The following ALDH1A2 variants were observed in gnomAD, a reference collection of about 807,000 sequenced individuals.
ALDH1A2 encodes aldehyde dehydrogenase 1 family member A2.
In ALDH1A2, 27 loss-of-function variants were observed where a neutral mutation model predicts 60.3. That is an observed-to-expected ratio of 0.45 (90% CI 0.33 to 0.62). The LOEUF is 0.62. Ranked by LOEUF, ALDH1A2 falls within the 20% of genes least tolerant of loss-of-function variation. The probability of loss-of-function intolerance (pLI) is 0.02; values close to 1 mark genes in which losing one functional copy is unlikely to be tolerated. For missense variants in ALDH1A2, 581 were observed against 643.8 expected, an observed-to-expected ratio of 0.90 and a Z score of 1.06; for synonymous variants, 289 against 232.4, an observed-to-expected ratio of 1.24 and a Z score of -2.21.
chr15:57,962,572 C>T (rs532574286), intron 9 of ALDH1A2, among the ~76,000 whole-genome samples: 2 of 151,874 alleles, frequency 1.3e-5, no homozygotes, highest in African/African-American at 2.4e-5. Context: ...AAAATTAGCA[C>T]ACAGCCTTTT....
intron 1 of ALDH1A2, among the ~76,000 whole-genome samples, chr15:58,032,308 G>A (rs1389143188): frequency 1.3e-5 from 2 of 152,008 alleles, no homozygotes; most frequent in African/African-American, 4.8e-5. Flanking sequence ...TGAACAATGA[G>A]AACACATGGA....
rs779670359 is a variant in ALDH1A2 at position 57,963,943 on chromosome 15, C to T, written c.1028G>A (p.Arg343Gln). ...ACTCCCCACTACGCGCCTCTTGGCC[C>T]GCTCCACGCTTCTTCTCACAAACTC... ...YEEFVRRSVE[R>Q]AKRRVVGSPF... The change falls in exon 9 of 13, where the codon CGG (arginine) becomes CAG (glutamine). Residue 343 changes from arginine to glutamine, a missense_variant. Transcript: ENST00000249750. The T allele has an allele frequency of 4.5e-5, 73 of 1,613,988 alleles. No individual in the cohort carries two copies. Among genetic ancestry groups the T allele is most frequent in the East Asian group, 1.3e-4 (6 of 44,864 alleles).
At chr15:57,984,834 T>C (rs1488581889) in intron 7 of ALDH1A2, among the ~76,000 whole-genome samples, 1 of 152,218 alleles carries the variant, frequency 6.6e-6, no homozygotes, top group Non-Finnish European at 1.5e-5. Context: ...TTTGTACATG[T>C]TTCTGTGTGG....
At chr15:58,050,010 G>C (rs1161750882) in intron 1 of ALDH1A2, among the ~76,000 whole-genome samples, 1 of 152,050 alleles carries the variant, frequency 6.6e-6, no homozygotes, top group Non-Finnish European at 1.5e-5. Context: ...GGGTCTTGAG[G>C]GGGAAGGGGG....
intron 1 of ALDH1A2, among the ~76,000 whole-genome samples, chr15:58,022,766 GA>G (rs1895966517): frequency 6.6e-6 from 1 of 152,064 alleles, no homozygotes; most frequent in Admixed American, 6.6e-5. Context: ...TACTGCCAAA[GA>G]AATCATATAG....
chr15:58,017,873 C>G (rs893803679), intron 1 of ALDH1A2, among the ~76,000 whole-genome samples: 1 of 151,888 alleles, frequency 6.6e-6, no homozygotes, highest in Non-Finnish European at 1.5e-5. Flanking sequence ...GCTATTTTTC[C>G]TGGTGTGCCA....
chr15:58,002,640 A>G (rs940245860), intron 4 of ALDH1A2, among the ~76,000 whole-genome samples: 3 of 151,888 alleles, frequency 2.0e-5, no homozygotes, highest in African/African-American at 7.3e-5. Context: ...AATAGCTTCC[A>G]ATTATAACAC....
At chr15:57,959,371 C>T (rs1893646591) in intron 12 of ALDH1A2, among the ~76,000 whole-genome samples, 2 of 152,132 alleles carry the variant, frequency 1.3e-5, no homozygotes, top group Non-Finnish European at 2.9e-5. Flanking sequence ...TGCATGAAGA[C>T]TCTGTAAAAG....
intron 1 of ALDH1A2, among the ~76,000 whole-genome samples, chr15:58,039,256 T>A (rs1230551343): frequency 6.6e-6 from 1 of 151,798 alleles, no homozygotes; most frequent in Non-Finnish European, 1.5e-5. Flanking sequence ...GATTAGTTTT[T>A]TTTTTCTCCT....
intron 1 of ALDH1A2, among the ~76,000 whole-genome samples, chr15:58,033,883 T>C (rs775437183): frequency 1.4e-4 from 21 of 151,352 alleles, no homozygotes; most frequent in Admixed American, 4.6e-4. Context: ...CTATCTTAAT[T>C]ACTGTAGCTT....
chr15:58,017,497 C>A (rs1452793744), intron 1 of ALDH1A2, among the ~76,000 whole-genome samples: 1 of 151,902 alleles, frequency 6.6e-6, no homozygotes, highest in Non-Finnish European at 1.5e-5. Flanking sequence ...AATCATGAAC[C>A]CTCAAATTTC....
At position 58,065,711 on chromosome 15, in the gene ALDH1A2, C is replaced by A. The variant is rs980930423; in HGVS notation, c.-61G>T. On this transcript the variant is annotated 5_prime_UTR_variant, in exon 1 of 13. Transcript: ENST00000249750. Reference sequence around the variant, plus strand: ...GGCAGTGCGGGCTGTGCGCGCGGTCCGCGGCCCGGGGGCGCGCTCGCCTGT... The same window carrying A: ...GGCAGTGCGGGCTGTGCGCGCGGTCAGCGGCCCGGGGGCGCGCTCGCCTGT... The A allele has an allele frequency of 3.2e-6, 4 of 1,231,154 alleles. No homozygotes were observed. Among genetic ancestry groups the A allele is most frequent in the African/African-American group, 3.1e-5 (2 of 64,344 alleles). The allele number at this position is 1,231,154 out of a possible 1,614,324, so 76.3% of individuals were successfully genotyped here. A position where few individuals can be genotyped will look rare whatever the true frequency, so the allele number is the denominator to read the frequency against.
chr15:57,968,818 T>C (rs1385035436), intron 7 of ALDH1A2, among the ~76,000 whole-genome samples: 1 of 152,172 alleles, frequency 6.6e-6, no homozygotes, highest in African/African-American at 2.4e-5. Flanking sequence ...GAGGTTGATA[T>C]TTTTTTGCCA....
chr15:58,026,346 T>A (rs543449030), intron 1 of ALDH1A2, among the ~76,000 whole-genome samples: 1 of 152,138 alleles, frequency 6.6e-6, no homozygotes, highest in Non-Finnish European at 1.5e-5. Context: ...ATCATCTCAA[T>A]AGATGCAGAA....
intron 1 of ALDH1A2, among the ~76,000 whole-genome samples, chr15:58,029,583 T>TAAA (rs58827440): frequency 4.2e-5 from 6 of 143,182 alleles, no homozygotes; most frequent in South Asian, 2.2e-4. Flanking sequence ...AAAAATCCCC[T>TAAA]AAAAAAAAAA....
chr15:58,004,770 A>T (rs960074649), intron 4 of ALDH1A2, among the ~76,000 whole-genome samples: 2 of 148,562 alleles, frequency 1.3e-5, no homozygotes, highest in East Asian at 2.0e-4. Flanking sequence ...ATTGAACAGC[A>T]CTTAGGTTCA....
chr15:57,962,317 T>C, intron 9 of ALDH1A2, 141 bp from the exon 10 acceptor site: 1 of 1,047,618 alleles, frequency 9.5e-7, no homozygotes, highest in South Asian at 1.6e-5. Flanking sequence ...TGCTGTTACT[T>C]ACCAATTTTT....
At chr15:58,063,682 TC>T (rs1897098948) in intron 1 of ALDH1A2, among the ~76,000 whole-genome samples, 1 of 152,184 alleles carries the variant, frequency 6.6e-6, no homozygotes, top group Non-Finnish European at 1.5e-5. Context: ...TGGAAAGAGC[TC>T]GCCTTTAGAT....
intron 12 of ALDH1A2, among the ~76,000 whole-genome samples, chr15:57,956,373 G>A (rs1893526843): frequency 1.3e-5 from 2 of 152,226 alleles, no homozygotes. Context: ...TTTTGAAACA[G>A]TCAGTGTACG....
Sources: gnomAD v4.1 joint callset for allele counts (sites outside exome capture counted in the v4.1 genomes callset) on GRCh38, gnomAD v4.1.1 for gene constraint, MANE v1.5 for transcripts, NCBI Gene and HGNC (gene_info 2026-07-23, HGNC 2026-07-21) for gene names.